RAD9B: variants seen among roughly 807,000 people sequenced by gnomAD.
RAD9B encodes cell cycle checkpoint control protein RAD9B.
A neutral mutation model predicts 48.3 loss-of-function variants in RAD9B; 41 were observed. That is an observed-to-expected ratio of 0.85 (90% CI 0.66 to 1.10). The LOEUF is 1.10. Ranked by LOEUF, RAD9B falls within the 50% of genes least tolerant of loss-of-function variation. The pLI, the probability that RAD9B is intolerant of heterozygous loss-of-function variation, is 0.00. For missense variants in RAD9B, 444 were observed against 485.1 expected (o/e 0.92, Z 0.80); for synonymous variants, 160 against 157.9 (o/e 1.01, Z -0.10).
At position 110,506,665 on chromosome 12, in the gene RAD9B, A is replaced by G. The variant is rs2063281307; in HGVS notation, c.360A>G (p.Lys120=). The G allele has an allele frequency of 6.3e-7, 1 of 1,579,516 alleles. No individual in the cohort carries two copies. The highest frequency in any genetic ancestry group is 8.7e-7 in the Non-Finnish European group (1 of 1,149,508). ...TATTCACCAGATCTGATAAATGCAAAGTAGTTATTCAATTCTTCTACAGAC... is the reference window on the plus strand; with the variant it reads ...TATTCACCAGATCTGATAAATGCAAGGTAGTTATTCAATTCTTCTACAGAC... ...CRIFTRSDKC[K]VVIQFFYRHG... Residue 120 remains lysine, a synonymous_variant, in exon 4 of 11, where the codon AAA becomes AAG. Coordinates refer to ENST00000409300, the MANE Select transcript of RAD9B (RefSeq NM_001286535.2).
Position 110,531,860 on chromosome 12 carries a change from A to C in RAD9B, c.*1207A>C. The C allele has an allele frequency of 4.1e-6, 2 of 491,758 alleles. No homozygotes were observed. Among genetic ancestry groups the C allele is most frequent in the East Asian group, 7.4e-5 (2 of 26,886 alleles). The allele number at this position is 491,758 out of a possible 1,614,324, so 30.5% of individuals were successfully genotyped here. A position where few individuals can be genotyped will look rare whatever the true frequency, so the allele number is the denominator to read the frequency against. On this transcript the variant is annotated 3_prime_UTR_variant, in exon 11 of 11. Coordinates refer to ENST00000409300, the MANE Select transcript of RAD9B (RefSeq NM_001286535.2). ...CTGACAAACGAGACTTTTGTAACAT[A>C]TTATTGTTACATCTTTCTGAAACCT...
rs1185929087 is a variant in RAD9B, at chr12:110,531,739, C to T, written c.*1086C>T. 1.0e-6 allele frequency: 1 copy of T among 1,003,346 alleles called. No homozygotes were observed. Among genetic ancestry groups the T allele is most frequent in the Non-Finnish European group, 1.5e-6 (1 of 678,242 alleles). The allele number at this position is 1,003,346 out of a possible 1,614,324, so 62.2% of individuals were successfully genotyped here. A position where few individuals can be genotyped will look rare whatever the true frequency, so the allele number is the denominator to read the frequency against. ...TTTAAGAGTTAGCTTTTTACCTGCACAAATGGACTAAAAAATCTGGCACAA... is the reference window on the plus strand; with the variant it reads ...TTTAAGAGTTAGCTTTTTACCTGCATAAATGGACTAAAAAATCTGGCACAA... On this transcript the variant is annotated 3_prime_UTR_variant, in exon 11 of 11. Coordinates refer to ENST00000409300, the MANE Select transcript of RAD9B (RefSeq NM_001286535.2).
intron 2 of RAD9B, among the ~76,000 whole-genome samples, chr12:110,504,875 T>C (rs2135643671): frequency 6.6e-6 from 1 of 152,108 alleles, no homozygotes; most frequent in Admixed American, 6.6e-5. Context: ...ATATGTTGTG[T>C]GCCTGTAGTC....
At position 110,518,063 on chromosome 12, in the gene RAD9B, C is replaced by T. The variant is rs948762098; in HGVS notation, c.596-613C>T. 6.6e-5 allele frequency among the ~76,000 whole-genome samples: 10 copies of T among 151,930 alleles called. No individual in the cohort carries two copies. The East Asian group carries it at 9.7e-4, about 15-fold the overall frequency. The stretch of plus-strand genomic sequence containing the variant: ...AAAATTAGCCGAGTGTGGTGGTGGG[C>T]GCCTGTAGTCCCAGCAACTCGGGAG... On this transcript the variant is annotated intron_variant, in intron 6 of 10. Coordinates refer to ENST00000409300, the MANE Select transcript of RAD9B (RefSeq NM_001286535.2).
Position 110,531,105 on chromosome 12 carries a change from T to C in RAD9B, c.*452T>C. The C allele has an allele frequency of 1.0e-6, 1 of 995,382 alleles. No individual in the cohort carries two copies. Among genetic ancestry groups the C allele is most frequent in the Non-Finnish European group, 1.2e-6 (1 of 836,302 alleles). 61.7% of individuals were successfully genotyped at this position (995,382 alleles called of 1,614,324 possible). On this transcript the variant is annotated 3_prime_UTR_variant, in exon 11 of 11. Coordinates refer to ENST00000409300, the MANE Select transcript of RAD9B (RefSeq NM_001286535.2). ...ATTTTAGTTTTCTCATGTAATACCA[T>C]GGCCTTTTTTGTGCATTGTTTTTTA...
At chr12:110,529,869 A>G (rs530600251) in intron 10 of RAD9B, among the ~76,000 whole-genome samples, 1 of 152,296 alleles carries the variant, frequency 6.6e-6, no homozygotes, top group East Asian at 1.9e-4. Context: ...CTGCCGTAGC[A>G]GGAGGGGAAG....
At chr12:110,517,788 AC>A (rs1212325793) in intron 6 of RAD9B, among the ~76,000 whole-genome samples, 2 of 151,492 alleles carry the variant, frequency 1.3e-5, no homozygotes, top group African/African-American at 4.9e-5. Flanking sequence ...ACACACACAC[AC>A]AAATAATTAT....
chr12:110,528,508 A>C (rs945636449), intron 10 of RAD9B, among the ~76,000 whole-genome samples: 12 of 152,330 alleles, frequency 7.9e-5, no homozygotes, highest in African/African-American at 2.9e-4. Flanking sequence ...TAAGGCCTCA[A>C]ATGGCAGCAG....
chr12:110,529,074 G>A (rs773017793), intron 10 of RAD9B, among the ~76,000 whole-genome samples: 3 of 151,686 alleles, frequency 2.0e-5, no homozygotes, highest in Non-Finnish European at 2.9e-5. Flanking sequence ...AGAAGATGGA[G>A]ACAGTGGGTG....
At position 110,531,229 on chromosome 12, in the gene RAD9B, G is replaced by T; in HGVS notation, c.*576G>T. ...GCTTTTTTAGACGGAGTCTCACTTT[G>T]TCACTCAGGCTCAAGTGCAGTGGTG... On this transcript the variant is annotated 3_prime_UTR_variant, in exon 11 of 11. Coordinates refer to ENST00000409300, the MANE Select transcript of RAD9B (RefSeq NM_001286535.2). 1.2e-6 allele frequency: 1 copy of T among 838,926 alleles called. No individual in the cohort carries two copies. The highest frequency in any genetic ancestry group is 1.5e-6 in the Non-Finnish European group (1 of 682,660). The allele number at this position is 838,926 out of a possible 1,614,324, so 52.0% of individuals were successfully genotyped here.
At position 110,505,714 on chromosome 12, in the gene RAD9B, A is replaced by C; in HGVS notation, c.215A>C (p.Lys72Thr). ...FQHYQWSALV[K>T]MSENELDTTL... is the part of the protein sequence containing the mutation. ...CATTATCAATGGTCAGCTTTAGTGA[A>C]AATGAGTGAAAATGAACTTGACACA... is the stretch of plus-strand genomic sequence containing the variant. The change falls in exon 3 of 11, where the codon AAA becomes ACA. Residue 72 changes from lysine (K) to threonine (T), a missense_variant. Physicochemically the swap from Lys to Thr is moderately conservative, Grantham distance 78 (BLOSUM62 -1). Coordinates refer to ENST00000409300, the MANE Select transcript of RAD9B (RefSeq NM_001286535.2). 1.2e-6 allele frequency: 2 copies of C among 1,609,270 alleles called. No homozygotes were observed. The highest frequency in any genetic ancestry group is 2.2e-5 in the South Asian group (2 of 89,890).
At chr12:110,519,436 G>A (rs1461274845) in intron 8 of RAD9B, among the ~76,000 whole-genome samples, 1 of 150,016 alleles carries the variant, frequency 6.7e-6, no homozygotes, top group East Asian at 2.0e-4. Flanking sequence ...TGTTGTTGTT[G>A]TTGTTGTTGT....
chr12:110,530,664 T>G lies in RAD9B; in HGVS notation c.*11T>G. The G allele has an allele frequency of 6.2e-7, 1 of 1,613,600 alleles. No homozygotes were observed. The highest frequency in any genetic ancestry group is 1.1e-5 in the South Asian group (1 of 91,052). ...TTCTCTATATTCTAATGCTTAATGA[T>G]GGCTGAGCTGGGCCCCAGCCCAGTG... On this transcript the variant is annotated 3_prime_UTR_variant, in exon 11 of 11. Coordinates refer to ENST00000409300, the MANE Select transcript of RAD9B (RefSeq NM_001286535.2).
intron 10 of RAD9B, among the ~76,000 whole-genome samples, chr12:110,527,525 G>A (rs747667445): frequency 6.6e-6 from 1 of 152,150 alleles, no homozygotes; most frequent in Non-Finnish European, 1.5e-5. Context: ...CTTCTGAGAC[G>A]TGAGGATGAC....
chr12:110,519,409 T>TTTGTTGTTGTTG (rs200200978), intron 8 of RAD9B, among the ~76,000 whole-genome samples: 3 of 116,710 alleles, frequency 2.6e-5, no homozygotes, highest in African/African-American at 8.4e-5. Context: ...CGGCCTACTG[T>TTTGTTGTTGTTG]TTGTTGTTGT....
At chr12:110,508,517 A>C (rs1281600077) in intron 4 of RAD9B, among the ~76,000 whole-genome samples, 1 of 152,246 alleles carries the variant, frequency 6.6e-6, no homozygotes, top group Non-Finnish European at 1.5e-5. Context: ...CTTAGGTTAC[A>C]AGTAACAAAT....
At chr12:110,517,811 T>C (rs1232363366) in intron 6 of RAD9B, among the ~76,000 whole-genome samples, 1 of 151,338 alleles carries the variant, frequency 6.6e-6, no homozygotes, top group African/African-American at 2.4e-5. Flanking sequence ...AAAATGTGCT[T>C]ATTGACATGG....
rs145934040 is a variant in RAD9B, at chr12:110,518,047, C to T, written c.596-629C>T. 3.1e-3 allele frequency among the ~76,000 whole-genome samples: 471 copies of T among 151,964 alleles called. 1 individual carries two copies. The highest frequency in any genetic ancestry group is 0.011 in the African/African-American group (440 of 41,426). The stretch of plus-strand genomic sequence containing the variant: ...ACTAAAAGAAATACAAAAAATTAGC[C>T]GAGTGTGGTGGTGGGCGCCTGTAGT... On this transcript the variant is annotated intron_variant, in intron 6 of 10. Transcript: ENST00000409300.
Position 110,531,542 on chromosome 12 carries a change from C to T in RAD9B, c.*889C>T, listed in dbSNP as rs758776151. The T allele has an allele frequency of 1.4e-6, 2 of 1,443,338 alleles. No homozygotes were observed. The highest frequency in any genetic ancestry group is 1.2e-5 in the South Asian group (1 of 85,708). The allele number at this position is 1,443,338 out of a possible 1,614,324, so 89.4% of individuals were successfully genotyped here. A position where few individuals can be genotyped will look rare whatever the true frequency, so the allele number is the denominator to read the frequency against. On this transcript the variant is annotated 3_prime_UTR_variant, in exon 11 of 11. Coordinates refer to ENST00000409300, the MANE Select transcript of RAD9B (RefSeq NM_001286535.2). ...TTTTATTTCCTAACCTCAAATTGTTCTGATTTTCAGATGTGATTTTTTATT... is the reference window on the plus strand; with the variant it reads ...TTTTATTTCCTAACCTCAAATTGTTTTGATTTTCAGATGTGATTTTTTATT...
Sources: allele counts gnomAD v4.1 joint callset (sites outside exome capture counted in the v4.1 genomes callset), GRCh38; gene constraint gnomAD v4.1.1; transcripts MANE v1.5; gene names NCBI Gene and HGNC (gene_info 2026-07-23, HGNC 2026-07-21).